BPTF: variants seen among roughly 807,000 people sequenced by gnomAD.
BPTF encodes the protein nucleosome-remodeling factor subunit BPTF.
A neutral mutation model predicts 292.5 loss-of-function variants in BPTF; 18 were observed. The observed-to-expected ratio is 0.06, with a 90% confidence interval of 0.04 to 0.09. BPTF has a LOEUF of 0.09. BPTF is among the 10% of genes least tolerant of loss of function. The pLI, the probability that BPTF is intolerant of heterozygous loss-of-function variation, is 1.00. For synonymous variants in BPTF, 1,225 were observed against 1,251.9 expected (o/e 0.98, Z 0.45); for missense variants, 2,726 against 3,498.7 (o/e 0.78, Z 5.57).
At chr17:67,886,359 C>CT (rs756303244) in intron 4 of BPTF, 41 of 1,290,106 alleles carry the variant, frequency 3.2e-5, no homozygotes, top group South Asian at 8.8e-5. Context: ...GAAGTTTTTT[C>CT]TTTTTTTTCT....
At chr17:67,857,223 G>A (rs1169742985) in intron 2 of BPTF, among the ~76,000 whole-genome samples, 4 of 146,128 alleles carry the variant, frequency 2.7e-5, no homozygotes, top group Non-Finnish European at 4.5e-5. Flanking sequence ...GTGCAATGGC[G>A]TGATCTCGGC....
intron 24 of BPTF, among the ~76,000 whole-genome samples, chr17:67,960,640 T>G (rs1392437890): frequency 6.6e-6 from 1 of 152,216 alleles, no homozygotes; most frequent in Non-Finnish European, 1.5e-5. Context: ...TCCAGCTTTT[T>G]AAAGCCACAG....
At chr17:67,966,200 T>TA (rs2068081803) in intron 25 of BPTF, 1 of 188,438 alleles carries the variant, frequency 5.3e-6, no homozygotes, top group Non-Finnish European at 1.1e-5. Flanking sequence ...ACGTCTCTGC[T>TA]ACCTCATCAT....
chr17:67,896,766 A>G (rs1301145448), intron 7 of BPTF, among the ~76,000 whole-genome samples: 1 of 152,256 alleles, frequency 6.6e-6, no homozygotes, highest in Non-Finnish European at 1.5e-5. Context: ...TCATGAAAGT[A>G]CTACATACAT....
chr17:67,927,152 G>T (rs2063986616), intron 15 of BPTF, among the ~76,000 whole-genome samples: 1 of 152,200 alleles, frequency 6.6e-6, no homozygotes, highest in Non-Finnish European at 1.5e-5. Context: ...TTTGATTTTA[G>T]CAGACATCCC....
Position 67,888,342 on chromosome 17 carries a change from A to G in BPTF, c.1865-3502A>G, listed in dbSNP as rs536792601. 5.9e-5 allele frequency among the ~76,000 whole-genome samples: 9 copies of G among 151,992 alleles called. No individual in the cohort carries two copies. The South Asian group carries it at 1.0e-3, about 18-fold the overall frequency. On this transcript the variant is annotated intron_variant, in intron 4 of 27. Coordinates refer to ENST00000306378, the MANE Select transcript of BPTF (RefSeq NM_182641.4). ...GGTGGCTCACACCTGTAATCCCAGC[A>G]CTTTGGGAGGCCAAGGCGGGCGGAT...
intron 4 of BPTF, among the ~76,000 whole-genome samples, chr17:67,887,988 G>T (rs2060851804): frequency 6.6e-6 from 1 of 152,178 alleles, no homozygotes; most frequent in Non-Finnish European, 1.5e-5. Flanking sequence ...TAACCCTATG[G>T]CCAGGGCAGG....
intron 26 of BPTF, among the ~76,000 whole-genome samples, chr17:67,972,733 A>ACAAG (rs1232074700): frequency 6.6e-6 from 1 of 152,000 alleles, no homozygotes; most frequent in Non-Finnish European, 1.5e-5. Context: ...ACCTTAAGGG[A>ACAAG]TACCTAATTA....
At position 67,981,982 on chromosome 17, in the gene BPTF, CAAATATATATATATAT is replaced by C. The variant is rs1260010246; in HGVS notation, c.8727-268_8727-253del. On this transcript the variant is annotated intron_variant, in intron 27 of 27. Transcript: ENST00000306378. Reference sequence around the variant, plus strand: ...TGAAAATGTTGTAATCTTTATTAGACAAATATATATATATATATATATATATATATATATATATATA... The same window carrying C: ...TGAAAATGTTGTAATCTTTATTAGACATATATATATATATATATATATATA... Among the ~76,000 whole-genome samples, 775 of 91,764 alleles carry C rather than the reference CAAATATATATATATAT, an allele frequency of 8.4e-3. 7 individuals carry two copies. Among genetic ancestry groups the C allele is most frequent in the Non-Finnish European group, 1.0e-2 (484 of 48,626 alleles). 60.2% of individuals were successfully genotyped at this position (91,764 alleles called of 152,430 possible). A position where few individuals can be genotyped will look rare whatever the true frequency, so the allele number is the denominator to read the frequency against.
Position 67,854,237 on chromosome 17 carries a change from C to T in BPTF, c.911C>T (p.Thr304Ile), listed in dbSNP as rs757971841. The T allele has an allele frequency of 6.2e-7, 1 of 1,614,162 alleles. No individual in the cohort carries two copies. The highest frequency in any genetic ancestry group is 1.1e-5 in the South Asian group (1 of 91,080). Residue 304 changes from threonine to isoleucine, a missense_variant, in exon 2 of 28, where the codon ACC (threonine) becomes ATC (isoleucine). By Grantham distance (89) the Thr-to-Ile change is moderately conservative. Coordinates refer to ENST00000306378, the MANE Select transcript of BPTF (RefSeq NM_182641.4). The surrounding 1 kb of genome is among the most constrained non-coding windows in gnomAD (Gnocchi z 5.6). ...VLREEDTSNT[T>I]FGPADLKDSV... is the part of the protein sequence containing the mutation. ...CGTGAAGAAGACACTTCCAATACTA[C>T]CTTTGGACCTGCTGATCTGAAAGAT... is the stretch of plus-strand genomic sequence containing the variant.
rs2144992157 is a variant in BPTF at position 67,854,241 on chromosome 17, T to C, written c.915T>C (p.Phe305=). 2 of 1,614,210 alleles carry C rather than the reference T, an allele frequency of 1.2e-6. No homozygotes were observed. Among genetic ancestry groups the C allele is most frequent in the East Asian group, 4.5e-5 (2 of 44,890 alleles). Residue 305 remains phenylalanine (F), a synonymous_variant, in exon 2 of 28, where the codon TTT becomes TTC. Coordinates refer to ENST00000306378, the MANE Select transcript of BPTF (RefSeq NM_182641.4). This position sits in a 1 kb window ranked among gnomAD's most constrained non-coding sequence, Gnocchi z 5.6. ...AAGAAGACACTTCCAATACTACCTT[T>C]GGACCTGCTGATCTGAAAGATAGCG... ...LREEDTSNTT[F]GPADLKDSVN... is the part of the protein sequence containing the mutation.
Position 67,913,140 on chromosome 17 carries a change from T to A in BPTF, c.5256T>A (p.Asp1752Glu), listed in dbSNP as rs758272876. Residue 1752 changes from aspartate (D) to glutamate (E), a missense_variant, in exon 11 of 28, where the codon GAT becomes GAA. By Grantham distance (45) the Asp-to-Glu change is conservative. Coordinates refer to ENST00000306378, the MANE Select transcript of BPTF (RefSeq NM_182641.4). ...ATTACAATGCAAAACCTGCTTTGGA[T>A]ATATGGCCATATCCTTCTCCTAGAC... ...YFNYNAKPAL[D>E]IWPYPSPRPT... 2 of 1,613,950 alleles carry A rather than the reference T, an allele frequency of 1.2e-6. No homozygotes were observed. Among genetic ancestry groups the A allele is most frequent in the South Asian group, 2.2e-5 (2 of 91,054 alleles).
intron 7 of BPTF, 36 bp downstream of exon 7, chr17:67,894,201 T>C: frequency 6.3e-7 from 1 of 1,590,598 alleles, no homozygotes; most frequent in South Asian, 1.1e-5. Context: ...TGATGAGTAT[T>C]GGACTCCCTT....
chr17:67,855,885 C>A (rs2058661729), intron 2 of BPTF, among the ~76,000 whole-genome samples: 1 of 152,218 alleles, frequency 6.6e-6, no homozygotes, highest in African/African-American at 2.4e-5. Context: ...TGAATCCACA[C>A]CGATTCTTGA....
chr17:67,839,061 C>G (rs1240424981), intron 1 of BPTF, among the ~76,000 whole-genome samples: 1 of 151,778 alleles, frequency 6.6e-6, no homozygotes, highest in Non-Finnish European at 1.5e-5. Flanking sequence ...ATCTGATTTT[C>G]TTACATTTGT....
intron 15 of BPTF, among the ~76,000 whole-genome samples, chr17:67,927,221 C>T (rs1038876509): frequency 1.2e-4 from 18 of 152,128 alleles, no homozygotes; most frequent in Non-Finnish European, 2.4e-4. Flanking sequence ...CTCTAGTCTC[C>T]GTTTCCTCAT....
intron 18 of BPTF, among the ~76,000 whole-genome samples, chr17:67,933,438 G>C (rs1266617471): frequency 6.6e-6 from 1 of 151,744 alleles, no homozygotes; most frequent in Non-Finnish European, 1.5e-5. Flanking sequence ...GCATCCTGGA[G>C]CACGCCTGTA....
chr17:67,861,835 T>A (rs1416859452), intron 2 of BPTF, among the ~76,000 whole-genome samples: 4 of 152,242 alleles, frequency 2.6e-5, no homozygotes, highest in African/African-American at 9.6e-5. Flanking sequence ...GTTGGCTAAC[T>A]AGCTCATTCT....
At chr17:67,881,852 GTTTTTGTTTTT>G (rs570544476) in intron 4 of BPTF, among the ~76,000 whole-genome samples, 1,580 of 38,360 alleles carry the variant, frequency 0.041, 89 homozygotes, top group African/African-American at 0.061. Flanking sequence ...GGGATTTTGG[GTTTTTGTTTTT>G]TTTTTTTTTT....
Sources: gnomAD v4.1 joint callset for allele counts (sites outside exome capture counted in the v4.1 genomes callset) on GRCh38, gnomAD v4.1.1 for gene constraint, Gnocchi (gnomAD v3.1) non-coding constraint, MANE v1.5 for transcripts, NCBI Gene and HGNC (gene_info 2026-07-23, HGNC 2026-07-21) for gene names.